Variants in MAGI2 observed in about 807,000 individuals in gnomAD.
The protein encoded by MAGI2 is membrane associated guanylate kinase, WW and PDZ domain containing 2, also known as membrane-associated guanylate kinase, WW and PDZ domain-containing protein 2.
A neutral mutation model predicts 133.3 loss-of-function variants in MAGI2; 35 were observed. The ratio of observed to expected loss-of-function variants is 0.26; its 90% CI spans 0.20 to 0.35. The LOEUF is 0.35. Among genes scored for constraint, MAGI2 ranks in the 10% least tolerant of loss-of-function variants. MAGI2 has a pLI of 1.00. For missense variants in MAGI2, 1,636 were observed against 1,863.4 expected, an observed-to-expected ratio of 0.88 and a Z score of 2.25; for synonymous variants, 729 against 710.6, an observed-to-expected ratio of 1.03 and a Z score of -0.41.
chr7:79,361,036 A>G (rs1007147328), intron 1 of MAGI2, among the ~76,000 whole-genome samples: 15 of 152,304 alleles, frequency 9.8e-5, no homozygotes, highest in African/African-American at 3.4e-4. Flanking sequence ...TAAATCATGC[A>G]AACTTTAATT....
At chr7:79,038,756 T>A (rs1003028516) in intron 1 of MAGI2, among the ~76,000 whole-genome samples, 26 of 152,234 alleles carry the variant, frequency 1.7e-4, no homozygotes, top group Non-Finnish European at 5.9e-5. Context: ...GGCTTTTTGC[T>A]TTTCTAAAAT....
intron 1 of MAGI2, among the ~76,000 whole-genome samples, chr7:79,037,064 A>G (rs1452846923): frequency 6.6e-6 from 1 of 152,230 alleles, no homozygotes; most frequent in African/African-American, 2.4e-5. Context: ...ACATTTGGCC[A>G]GAGCTGAAAA....
At chr7:78,243,161 A>G (rs1201539491) in intron 10 of MAGI2, among the ~76,000 whole-genome samples, 1 of 151,398 alleles carries the variant, frequency 6.6e-6, no homozygotes, top group African/African-American at 2.4e-5. Flanking sequence ...ACATGAAACA[A>G]CCTCTAAAAT....
intron 1 of MAGI2, among the ~76,000 whole-genome samples, chr7:79,215,512 C>T (rs1423082891): frequency 6.6e-6 from 1 of 152,044 alleles, no homozygotes; most frequent in Non-Finnish European, 1.5e-5. Flanking sequence ...TTGGTCTCCA[C>T]AACCCCTTAT....
intron 2 of MAGI2, among the ~76,000 whole-genome samples, chr7:78,859,643 C>T (rs1264885482): frequency 1.3e-5 from 2 of 151,846 alleles, no homozygotes; most frequent in Non-Finnish European, 2.9e-5. Context: ...TTGTGGGTAA[C>T]CCGACCTTTC....
chr7:78,289,090 T>G (rs1430461729), intron 9 of MAGI2, among the ~76,000 whole-genome samples: 1 of 152,108 alleles, frequency 6.6e-6, no homozygotes, highest in East Asian at 1.9e-4. Context: ...AGGAACAAAG[T>G]TGGATGGAGA....
intron 20 of MAGI2, among the ~76,000 whole-genome samples, chr7:78,109,781 A>C (rs1322296783): frequency 6.6e-6 from 1 of 152,210 alleles, no homozygotes; most frequent in Non-Finnish European, 1.5e-5. Context: ...AAGCATGAAT[A>C]GGAGAAATTT....
intron 1 of MAGI2, among the ~76,000 whole-genome samples, chr7:79,348,693 A>G (rs1841486646): frequency 6.6e-6 from 1 of 151,810 alleles, no homozygotes; most frequent in Non-Finnish European, 1.5e-5. Context: ...GAGAAAATCA[A>G]CTTCTCAGGT....
intron 2 of MAGI2, among the ~76,000 whole-genome samples, chr7:78,853,595 A>G (rs1173157397): frequency 6.6e-6 from 1 of 151,534 alleles, no homozygotes; most frequent in South Asian, 2.1e-4. Context: ...GACTCAAGCA[A>G]TTCTCCTGCC....
At chr7:78,572,994 T>C (rs1489269849) in intron 3 of MAGI2, among the ~76,000 whole-genome samples, 3 of 130,796 alleles carry the variant, frequency 2.3e-5, no homozygotes, top group Non-Finnish European at 4.7e-5. Context: ...CATTGTTCAC[T>C]AGAGGAACAG....
At chr7:79,124,778 A>T (rs1341695307) in intron 1 of MAGI2, 1 of 160,260 alleles carries the variant, frequency 6.2e-6, no homozygotes, top group African/African-American at 2.4e-5. Context: ...GAAGCTCTTC[A>T]TTGGGTTGGG....
chr7:78,325,263 C>T (rs1029376006), intron 9 of MAGI2, among the ~76,000 whole-genome samples: 1 of 152,148 alleles, frequency 6.6e-6, no homozygotes, highest in African/African-American at 2.4e-5. Flanking sequence ...AATCATAAAA[C>T]ACTCAACAAA....
intron 1 of MAGI2, among the ~76,000 whole-genome samples, chr7:79,272,797 G>A (rs1217732639): frequency 6.6e-6 from 1 of 152,016 alleles, no homozygotes; most frequent in African/African-American, 2.4e-5. Flanking sequence ...AAATGATCTA[G>A]TTAATTGAGT....
chr7:78,159,512 C>A (rs554784565), intron 16 of MAGI2, among the ~76,000 whole-genome samples: 50 of 152,286 alleles, frequency 3.3e-4, no homozygotes, highest in South Asian at 8.3e-4. Flanking sequence ...TGCCTCCTGC[C>A]ACTCTCCCTT....
chr7:78,758,302 G>A (rs764538960), intron 2 of MAGI2, among the ~76,000 whole-genome samples: 1 of 151,952 alleles, frequency 6.6e-6, no homozygotes, highest in African/African-American at 2.4e-5. Flanking sequence ...CAAGCACCTG[G>A]AACAGTGCCT....
intron 10 of MAGI2, among the ~76,000 whole-genome samples, chr7:78,215,680 A>G (rs78573562): frequency 0.07 from 10,712 of 152,248 alleles, 693 homozygotes; most frequent in African/African-American, 0.17. Context: ...GCAGGAAATC[A>G]TCTTTATTGA....
chr7:78,904,093 G>C (rs1486406428), intron 2 of MAGI2: 1 of 152,222 alleles, frequency 6.6e-6, no homozygotes, highest in Non-Finnish European at 1.5e-5. Flanking sequence ...TGCTCAGCCA[G>C]TGGCTGCAGC....
chr7:78,250,274 A>G (rs1792249618), intron 10 of MAGI2, among the ~76,000 whole-genome samples: 1 of 152,126 alleles, frequency 6.6e-6, no homozygotes, highest in Admixed American at 6.5e-5. Context: ...ATGTTGGGAT[A>G]ATACACAGTT....
chr7:78,433,003 G>A (rs986333691), intron 6 of MAGI2, among the ~76,000 whole-genome samples: 1 of 151,962 alleles, frequency 6.6e-6, no homozygotes, highest in Admixed American at 6.6e-5. Context: ...ACCTGGGTTG[G>A]TGTTTTATTT....
Sources: gnomAD v4.1 joint callset for allele counts (sites outside exome capture counted in the v4.1 genomes callset) on GRCh38, gnomAD v4.1.1 for gene constraint, MANE v1.5 for transcripts, NCBI Gene and HGNC (gene_info 2026-07-23, HGNC 2026-07-21) for gene names.